FRMPD4: variants seen among roughly 807,000 people sequenced by gnomAD.
FRMPD4 encodes the protein FERM and PDZ domain-containing protein 4.
A neutral mutation model predicts 94.1 loss-of-function variants in FRMPD4; 22 were observed. That is an observed-to-expected ratio of 0.23 (90% CI 0.17 to 0.33). The LOEUF is 0.33. Among genes scored for constraint, FRMPD4 ranks in the 10% least tolerant of loss-of-function variants. The pLI is 1.00. For missense variants in FRMPD4, 1,111 were observed against 1,339.9 expected (o/e 0.83, Z 2.67); for synonymous variants, 631 against 548.6 (o/e 1.15, Z -2.10).
chrX:12,427,484 G>A (rs1330657893), intron 1 of FRMPD4, among the ~76,000 whole-genome samples: 1 of 111,546 alleles, frequency 9.0e-6, no homozygotes, highest in East Asian at 2.8e-4. Flanking sequence ...AGGAGAACAG[G>A]ACAATGCAAG....
chrX:11,967,385 G>A lies in FRMPD4; in HGVS notation c.95+89367G>A, dbSNP rs546618992. On this transcript the variant is annotated intron_variant, in intron 3 of 18. Transcript: ENST00000640291. ...ATGTACAGCACTGTTATAAGACGAG[G>A]CATTTGTGAGACCCTGATGGATGCT... Among the ~76,000 whole-genome samples, 5 of 112,540 alleles carry A rather than the reference G, an allele frequency of 4.4e-5. No individual in the cohort carries two copies. The South Asian group carries it at 1.8e-3, about 41-fold the overall frequency.
intron 14 of FRMPD4, among the ~76,000 whole-genome samples, chrX:12,713,222 C>T (rs1398610034): frequency 9.0e-6 from 1 of 111,562 alleles, no homozygotes; most frequent in African/African-American, 3.3e-5. Flanking sequence ...AAATCCTTTC[C>T]TCATAGACTG....
chrX:11,845,371 C>G (rs986276104), intron 1 of FRMPD4, among the ~76,000 whole-genome samples: 4 of 111,805 alleles, frequency 3.6e-5, no homozygotes, highest in African/African-American at 1.3e-4. Context: ...AGGATCTGAA[C>G]TTATGGCAAT....
chrX:12,518,825 G>GCACACA (rs757932325), intron 2 of FRMPD4, among the ~76,000 whole-genome samples: 39 of 107,778 alleles, frequency 3.6e-4, no homozygotes, highest in Middle Eastern at 4.9e-3. Context: ...GTGCGCGCGT[G>GCACACA]CACACACACA....
chrX:12,416,574 G>C (rs1471160505), intron 1 of FRMPD4, among the ~76,000 whole-genome samples: 1 of 112,312 alleles, frequency 8.9e-6, no homozygotes, highest in Admixed American at 9.4e-5. Context: ...TTTTCTCTGA[G>C]ATAAATTTTC....
chrX:12,439,361 G>A (rs1253523760), intron 1 of FRMPD4, among the ~76,000 whole-genome samples: 2 of 111,642 alleles, frequency 1.8e-5, no homozygotes. Context: ...AATGATGGCA[G>A]ACTAACACGT....
In FRMPD4 at chrX:12,226,393, T is replaced by G. The variant is rs1188527907; in HGVS notation, c.41+87381T>G. Among the ~76,000 whole-genome samples the G allele has an allele frequency of 1.8e-5, 2 of 112,190 alleles. 1 individual carries two copies. The highest frequency in any genetic ancestry group is 6.5e-5 in the African/African-American group (2 of 30,864). ...TCTCAGTCATCCTGAGGAGGGGCAC[T>G]TAAGAGAAAAGTGGTGACTATCACT... On this transcript the variant is annotated intron_variant, in intron 1 of 16. Transcript: ENST00000675598.
rs182628460 is a variant in FRMPD4 at position 12,509,158 on chromosome X, G to A, written c.158+10362G>A. On this transcript the variant is annotated intron_variant, in intron 2 of 16. Coordinates refer to ENST00000675598, the MANE Select transcript of FRMPD4 (RefSeq NM_001368397.1). ...GGTGGGAATATAAGCTAGTACAACC[G>A]CTATGGAAAACAGTATGGAGATTCC... is the stretch of plus-strand genomic sequence containing the variant. Among the ~76,000 whole-genome samples, 311 of 111,097 alleles carry A rather than the reference G, an allele frequency of 2.8e-3. 2 individuals carry two copies. The highest frequency in any genetic ancestry group is 9.5e-3 in the African/African-American group (290 of 30,547).
chrX:12,473,525 G>A (rs1207238565), intron 1 of FRMPD4, among the ~76,000 whole-genome samples: 1 of 109,849 alleles, frequency 9.1e-6, no homozygotes, highest in Non-Finnish European at 1.9e-5. Flanking sequence ...CTGGCAAATT[G>A]GATAAACAGT....
At chrX:12,447,021 G>A (rs2057205449) in intron 1 of FRMPD4, among the ~76,000 whole-genome samples, 1 of 111,425 alleles carries the variant, frequency 9.0e-6, no homozygotes, top group Non-Finnish European at 1.9e-5. Context: ...GGAATGCAAT[G>A]TGGACCTTTT....
intron 1 of FRMPD4, among the ~76,000 whole-genome samples, chrX:12,453,107 G>A (rs1443806251): frequency 5.3e-5 from 6 of 112,219 alleles, no homozygotes; most frequent in African/African-American, 1.9e-4. Flanking sequence ...AGCACTGTTG[G>A]TCAGTGGTTA....
chrX:12,200,936 T>C (rs1419785006), intron 1 of FRMPD4, among the ~76,000 whole-genome samples: 1 of 112,294 alleles, frequency 8.9e-6, no homozygotes, highest in East Asian at 2.8e-4. Flanking sequence ...AGGGAGTCAA[T>C]TGTACCTCCA....
At chrX:11,964,253 G>A (rs1157545715) in intron 3 of FRMPD4, among the ~76,000 whole-genome samples, 1 of 109,760 alleles carries the variant, frequency 9.1e-6, no homozygotes, top group Non-Finnish European at 1.9e-5. Flanking sequence ...TCCGCCTCCT[G>A]GGTTCACGCC....
At chrX:12,604,031 TA>T (rs1250213210) in intron 2 of FRMPD4, among the ~76,000 whole-genome samples, 2 of 103,481 alleles carry the variant, frequency 1.9e-5, no homozygotes, top group Non-Finnish European at 4.0e-5. Context: ...ACAAAAATAA[TA>T]AAAAAATCAT....
chrX:12,490,121 G>A (rs747857896), intron 1 of FRMPD4, among the ~76,000 whole-genome samples: 20 of 111,352 alleles, frequency 1.8e-4, no homozygotes, highest in Non-Finnish European at 3.0e-4. Flanking sequence ...CCCACACAGC[G>A]GGAACTGTAT....
At chrX:12,233,881 A>G (rs1047554563) in intron 1 of FRMPD4, among the ~76,000 whole-genome samples, 3 of 112,033 alleles carry the variant, frequency 2.7e-5, no homozygotes, top group Non-Finnish European at 5.6e-5. Context: ...GTCTTTGTAC[A>G]TGGGAGCTGT....
chrX:12,571,675 A>G (rs1319670496), intron 2 of FRMPD4, among the ~76,000 whole-genome samples: 3 of 112,711 alleles, frequency 2.7e-5, no homozygotes, highest in Non-Finnish European at 5.6e-5. Context: ...CAAAGCATCT[A>G]TTCTTGACTC....
At chrX:12,342,438 A>G (rs763902334) in intron 1 of FRMPD4, among the ~76,000 whole-genome samples, 1 of 111,714 alleles carries the variant, frequency 9.0e-6, no homozygotes, top group Admixed American at 9.5e-5. Flanking sequence ...GGTAACAACT[A>G]TCAGTGAAAG....
chrX:12,442,894 C>G (rs1156262140), intron 1 of FRMPD4, among the ~76,000 whole-genome samples: 7 of 111,659 alleles, frequency 6.3e-5, no homozygotes, highest in African/African-American at 2.3e-4. Context: ...GAATATTATT[C>G]AGCCATAAAA....
Sources: gnomAD v4.1 joint callset for allele counts (sites outside exome capture counted in the v4.1 genomes callset) on GRCh38, gnomAD v4.1.1 for gene constraint, MANE v1.5 for transcripts, NCBI Gene and HGNC (gene_info 2026-07-23, HGNC 2026-07-21) for gene names.